B9D1: variants seen among roughly 807,000 people sequenced by gnomAD.
B9D1 encodes the protein B9 domain containing 1.
A neutral mutation model predicts 26.1 loss-of-function variants in B9D1; 20 were observed. The observed-to-expected ratio is 0.77, with a 90% CI of 0.54 to 1.12. The LOEUF is 1.12. B9D1 is among the 50% of genes most tolerant of loss of function. The pLI is 0.00. For missense variants in B9D1, 260 were observed against 273.7 expected (o/e 0.95, Z 0.35); for synonymous variants, 105 against 103.1 (o/e 1.02, Z -0.11).
At chr17:19,337,293 A>C (rs1907530969), downstream of B9D1, among the ~76,000 whole-genome samples, 1 of 152,188 alleles carries the variant, frequency 6.6e-6, no homozygotes, top group African/African-American at 2.4e-5. Flanking sequence ...CAACCAGACG[A>C]GGGCAGCGGC....
intron 1 of B9D1, among the ~76,000 whole-genome samples, chr17:19,361,837 G>A (rs930530254): frequency 2.0e-5 from 3 of 152,328 alleles, no homozygotes; most frequent in Admixed American, 6.5e-5. Flanking sequence ...TCCCAGACAG[G>A]CCAGTTCCTT....
intron 5 of B9D1, among the ~76,000 whole-genome samples, chr17:19,345,991 C>T (rs1168126736): frequency 6.6e-6 from 1 of 152,236 alleles, no homozygotes; most frequent in Non-Finnish European, 1.5e-5. Flanking sequence ...TCCACAGGGG[C>T]TGTGAAACCC....
At chr17:19,353,891 G>T (rs912665899) in intron 3 of B9D1, among the ~76,000 whole-genome samples, 4 of 151,886 alleles carry the variant, frequency 2.6e-5, no homozygotes, top group African/African-American at 9.7e-5. Context: ...AGTGAGCCGA[G>T]ATCGTGCCAT....
At chr17:19,369,477 G>A (rs932471122) in intron 1 of B9D1, among the ~76,000 whole-genome samples, 5 of 152,150 alleles carry the variant, frequency 3.3e-5, no homozygotes, top group Admixed American at 6.5e-5. Flanking sequence ...AAAACGGGAC[G>A]TGCTACTTTA....
At chr17:19,335,603 C>T (rs561113661), downstream of B9D1, 2 of 799,164 alleles carry the variant, frequency 2.5e-6, no homozygotes, top group Admixed American at 6.1e-5. Context: ...GCAACAGTCC[C>T]TAGGCTAAGA....
At chr17:19,374,988 T>G (rs1167366143) in intron 1 of B9D1, among the ~76,000 whole-genome samples, 1 of 152,082 alleles carries the variant, frequency 6.6e-6, no homozygotes, top group African/African-American at 2.4e-5. Flanking sequence ...AGGCAAATAA[T>G]CCAATTAAAA....
intron 1 of B9D1, among the ~76,000 whole-genome samples, chr17:19,360,795 T>C (rs1385031867): frequency 1.3e-5 from 2 of 152,110 alleles, no homozygotes; most frequent in Non-Finnish European, 2.9e-5. Flanking sequence ...CTCTAGACCA[T>C]GAGTAGAGAA....
At position 19,370,885 on chromosome 17, in the gene B9D1, C is replaced by T. The variant is rs1288557795; in HGVS notation, c.-298+6974G>A. ...CATGCAAATGCCACACTGAGCTGAG[C>T]CAAGGCAGGGGTCAATTCTGAAGGC... is the stretch of plus-strand genomic sequence containing the variant. On this transcript the variant is annotated intron_variant, in intron 1 of 5. Transcript: ENST00000477478. The surrounding 1 kb of genome is among the most constrained non-coding windows in gnomAD (Gnocchi z 5.1). Among the ~76,000 whole-genome samples the T allele has an allele frequency of 6.6e-6, 1 of 152,188 alleles. No individual in the cohort carries two copies. The highest frequency in any genetic ancestry group is 6.5e-5 in the Admixed American group (1 of 15,282).
chr17:19,367,455 G>C (rs576904193), upstream of B9D1, among the ~76,000 whole-genome samples: 17 of 151,990 alleles, frequency 1.1e-4, no homozygotes, highest in East Asian at 3.1e-3. Context: ...GGGATTATTG[G>C]TGCCTGCCAC....
upstream of B9D1, chr17:19,362,751 A>G (rs552163246): frequency 2.0e-6 from 3 of 1,487,116 alleles, no homozygotes; most frequent in Non-Finnish European, 2.7e-6. Context: ...GCGCCGTTAT[A>G]AGGGGGCGGG....
intron 5 of B9D1, chr17:19,344,679 G>A: frequency 6.0e-6 from 1 of 167,146 alleles, no homozygotes; most frequent in South Asian, 1.1e-4. Flanking sequence ...TGGCAACCAT[G>A]CCGACCCAAA....
chr17:19,371,006 C>T (rs1911865943), intron 1 of B9D1, among the ~76,000 whole-genome samples: 1 of 152,264 alleles, frequency 6.6e-6, no homozygotes, highest in Non-Finnish European at 1.5e-5. Flanking sequence ...GCCTTCGCCT[C>T]TCTGGGTGAA....
At chr17:19,342,883 G>C (rs528931388), downstream of B9D1, among the ~76,000 whole-genome samples, 13 of 152,232 alleles carry the variant, frequency 8.5e-5, no homozygotes, top group Non-Finnish European at 1.8e-4. Context: ...GGCTGAACGG[G>C]TGATTCTACT....
chr17:19,374,352 G>A (rs1044932980), intron 1 of B9D1, among the ~76,000 whole-genome samples: 6 of 152,300 alleles, frequency 3.9e-5, no homozygotes, highest in Admixed American at 3.9e-4. Context: ...GCAAAAATCA[G>A]GATTCTTATG....
rs1910751399 is a variant in B9D1, at chr17:19,359,349, C to T, written c.132+971G>A. ...GCTGGCTCGCTCTCCAGTGGCCACA[C>T]AGCCTCCTTGCTGGTCCTCAAACAT... On this transcript the variant is annotated intron_variant, in intron 2 of 6. Transcript: ENST00000261499. The surrounding 1 kb of genome is among the most constrained non-coding windows in gnomAD (Gnocchi z 5.0). Among the ~76,000 whole-genome samples, 1 of 152,248 alleles carries T rather than the reference C, an allele frequency of 6.6e-6. No individual in the cohort carries two copies. The highest frequency in any genetic ancestry group is 6.5e-5 in the Admixed American group (1 of 15,282).
chr17:19,344,499 A>G, intron 5 of B9D1: 1 of 277,562 alleles, frequency 3.6e-6, no homozygotes, highest in Admixed American at 4.9e-5. Flanking sequence ...CGGGGGTGTC[A>G]GGCCCCGCCG....
intron 3 of B9D1, among the ~76,000 whole-genome samples, chr17:19,356,902 T>A (rs1203519888): frequency 6.6e-6 from 1 of 152,226 alleles, no homozygotes; most frequent in Non-Finnish European, 1.5e-5. Context: ...CCTATTGCAC[T>A]GTTCCAGGAA....
At chr17:19,335,731 A>G, downstream of B9D1, 2 of 348,532 alleles carry the variant, frequency 5.7e-6, no homozygotes, top group East Asian at 8.6e-5. Flanking sequence ...AGATGAAGAA[A>G]AAAGTCATTC....
At chr17:19,376,673 CTG>C (rs1912135778) in intron 1 of B9D1, among the ~76,000 whole-genome samples, 1 of 147,988 alleles carries the variant, frequency 6.8e-6, no homozygotes, top group South Asian at 2.2e-4. Context: ...TGGCTCATGC[CTG>C]TGATCCCAGC....
Sources: allele counts gnomAD v4.1 joint callset (sites outside exome capture counted in the v4.1 genomes callset), GRCh38; gene constraint gnomAD v4.1.1; non-coding constraint Gnocchi (gnomAD v3.1); transcripts MANE v1.5; gene names NCBI Gene and HGNC (gene_info 2026-07-23, HGNC 2026-07-21).